Variants in PXDNL observed in about 807,000 individuals in gnomAD.
PXDNL encodes the protein probable oxidoreductase PXDNL.
In PXDNL, 145 loss-of-function variants were observed where a neutral mutation model predicts 150.8. That is an observed-to-expected ratio of 0.96 (90% confidence interval 0.84 to 1.10). The LOEUF is 1.10. Among genes scored for constraint, PXDNL ranks in the 50% least tolerant of loss-of-function variants. The pLI is 0.00. For missense variants in PXDNL, 2,087 were observed against 1,873.9 expected, an observed-to-expected ratio of 1.11 and a Z score of -2.10; for synonymous variants, 757 against 725.7, an observed-to-expected ratio of 1.04 and a Z score of -0.69.
chr8:51,796,466 A>G (rs1377971855), intron 1 of PXDNL, among the ~76,000 whole-genome samples: 1 of 152,162 alleles, frequency 6.6e-6, no homozygotes, highest in Non-Finnish European at 1.5e-5. Flanking sequence ...AATCAAATAG[A>G]CACAATAAAA....
chr8:51,793,753 G>T (rs958713111), intron 1 of PXDNL, among the ~76,000 whole-genome samples: 1 of 151,948 alleles, frequency 6.6e-6, no homozygotes, highest in African/African-American at 2.4e-5. Flanking sequence ...GTTGGGCGTG[G>T]TGACTGACAC....
chr8:51,542,208 C>T (rs1009324497), intron 4 of PXDNL, among the ~76,000 whole-genome samples: 1 of 152,004 alleles, frequency 6.6e-6, no homozygotes, highest in East Asian at 1.9e-4. Context: ...AAGGGCAGTC[C>T]ATGATATTCT....
chr8:51,552,387 T>C (rs762587883), intron 4 of PXDNL, among the ~76,000 whole-genome samples: 1 of 152,218 alleles, frequency 6.6e-6, no homozygotes, highest in Non-Finnish European at 1.5e-5. Flanking sequence ...CAACTATGTT[T>C]ATAGCAGCAC....
At chr8:51,484,569 A>G (rs1430430231) in intron 5 of PXDNL, among the ~76,000 whole-genome samples, 1 of 152,178 alleles carries the variant, frequency 6.6e-6, no homozygotes, top group Non-Finnish European at 1.5e-5. Context: ...TGGCCAGCAC[A>G]GTTTTGCTGA....
At chr8:51,466,604 G>C (rs1810210047) in intron 8 of PXDNL, among the ~76,000 whole-genome samples, 1 of 152,050 alleles carries the variant, frequency 6.6e-6, no homozygotes, top group Non-Finnish European at 1.5e-5. Context: ...AGAATAAATA[G>C]ACAACTTACA....
At chr8:51,495,801 C>A (rs959621564) in intron 5 of PXDNL, among the ~76,000 whole-genome samples, 13 of 151,888 alleles carry the variant, frequency 8.6e-5, no homozygotes, top group East Asian at 3.9e-4. Context: ...GCTTACCAAC[C>A]AAAAAAAGGC....
chr8:51,350,889 C>T (rs748788655), intron 19 of PXDNL, among the ~76,000 whole-genome samples: 1 of 152,014 alleles, frequency 6.6e-6, no homozygotes, highest in Non-Finnish European at 1.5e-5. Context: ...TCGCTAACTT[C>T]CCAAAATAAT....
At chr8:51,434,799 AAC>A (rs1447440225) in intron 12 of PXDNL, among the ~76,000 whole-genome samples, 1 of 152,234 alleles carries the variant, frequency 6.6e-6, no homozygotes, top group Admixed American at 6.5e-5. Context: ...GACAGAATGT[AAC>A]ACAGATCAGT....
Position 51,453,575 on chromosome 8 carries a change from C to G in PXDNL, c.1193G>C (p.Cys398Ser), listed in dbSNP as rs755486410. Reference protein sequence around the residue: ...ITQRDHGRFTCHANNSHGTVQ... With the variant: ...ITQRDHGRFTSHANNSHGTVQ... ...AGTGCCGTGGCTATTGTTGGCATGA[C>G]AGGTAAATCGACCATGATCCCGTTG... The change falls in exon 10 of 23, where the codon TGT becomes TCT. Residue 398 changes from cysteine to serine, a missense_variant. By Grantham distance (112) the Cys-to-Ser change is moderately radical. Coordinates refer to ENST00000356297, the MANE Select transcript of PXDNL (RefSeq NM_144651.5). 2 of 1,614,022 alleles carry G rather than the reference C, an allele frequency of 1.2e-6. No individual in the cohort carries two copies. The highest frequency in any genetic ancestry group is 1.7e-5 in the Admixed American group (1 of 60,024).
chr8:51,783,445 C>G (rs2037433788), intron 1 of PXDNL, among the ~76,000 whole-genome samples: 1 of 152,208 alleles, frequency 6.6e-6, no homozygotes, highest in South Asian at 2.1e-4. Flanking sequence ...AATAACTTAT[C>G]CCAGCTAGAT....
chr8:51,612,173 G>C (rs1814020495), intron 2 of PXDNL, among the ~76,000 whole-genome samples: 1 of 152,150 alleles, frequency 6.6e-6, no homozygotes, highest in South Asian at 2.1e-4. Context: ...CTGGAGTTTT[G>C]AAGAGCACAT....
Position 51,809,272 on chromosome 8 carries a change from G to C in PXDNL, c.73C>G (p.Pro25Ala). Residue 25 changes from proline (P) to alanine (A), a missense_variant, in exon 1 of 23, where the codon CCC (proline) becomes GCC (alanine). Physicochemically the swap from Pro to Ala is conservative, Grantham distance 27. Coordinates refer to ENST00000356297, the MANE Select transcript of PXDNL (RefSeq NM_144651.5). ...AGWCLPGLPC[P>A]SRCLCFKSTV... ...CTCTTAAAGCAAAGGCACCGGCTGG[G>C]GCAGGGCAACCCTGGCAGGCACCAC... The C allele has an allele frequency of 6.2e-7, 1 of 1,601,918 alleles. No homozygotes were observed. The highest frequency in any genetic ancestry group is 8.5e-7 in the Non-Finnish European group (1 of 1,174,204).
At chr8:51,634,512 G>A (rs1814562169) in intron 2 of PXDNL, among the ~76,000 whole-genome samples, 2 of 152,084 alleles carry the variant, frequency 1.3e-5, no homozygotes, top group South Asian at 4.1e-4. Flanking sequence ...ACAATTCTGT[G>A]AAAAATGACA....
chr8:51,400,761 T>C (rs1808224287), intron 17 of PXDNL, among the ~76,000 whole-genome samples: 1 of 152,202 alleles, frequency 6.6e-6, no homozygotes, highest in South Asian at 2.1e-4. Context: ...AAGAATCAAA[T>C]GTGTTGTTCT....
At position 51,809,424 on chromosome 8, in the gene PXDNL, T is replaced by C; in HGVS notation, c.-80A>G. 2 of 1,375,200 alleles carry C rather than the reference T, an allele frequency of 1.5e-6. No homozygotes were observed. Among genetic ancestry groups the C allele is most frequent in the South Asian group, 1.5e-5 (1 of 67,160 alleles). 85.2% of individuals were successfully genotyped at this position (1,375,200 alleles called of 1,614,324 possible). ...GCAGCTGCAGCAGCAACCGCAGTGG[T>C]GGTGATGGTGGCTGCTGGACTGAGC... On this transcript the variant is annotated 5_prime_UTR_variant, in exon 1 of 23. Transcript: ENST00000356297.
intron 4 of PXDNL, among the ~76,000 whole-genome samples, chr8:51,536,121 C>A (rs1000779771): frequency 6.6e-6 from 1 of 152,156 alleles, no homozygotes; most frequent in African/African-American, 2.4e-5. Context: ...CCTCTCGGGA[C>A]CTGAAATTTT....
In PXDNL at chr8:51,584,922, C is replaced by T. The variant is rs374858368; in HGVS notation, c.308+7705G>A. Among the ~76,000 whole-genome samples, 84 of 151,990 alleles carry T rather than the reference C, an allele frequency of 5.5e-4. 1 individual carries two copies. Among genetic ancestry groups the T allele is most frequent in the African/African-American group, 2.0e-3 (81 of 41,476 alleles). On this transcript the variant is annotated intron_variant, in intron 3 of 22. Coordinates refer to ENST00000356297, the MANE Select transcript of PXDNL (RefSeq NM_144651.5). ...TGGACAAAGAAATAAAGTTTTGTACCGGCAAGGGTAATGGATATGGAAGAT... is the reference window on the plus strand; with the variant it reads ...TGGACAAAGAAATAAAGTTTTGTACTGGCAAGGGTAATGGATATGGAAGAT...
intron 1 of PXDNL, among the ~76,000 whole-genome samples, chr8:51,673,658 T>G (rs1815547161): frequency 6.6e-6 from 1 of 152,194 alleles, no homozygotes; most frequent in South Asian, 2.1e-4. Flanking sequence ...AAAAATCAAT[T>G]AACAGATGTT....
chr8:51,726,785 T>C (rs1357602599), intron 1 of PXDNL, among the ~76,000 whole-genome samples: 2 of 152,150 alleles, frequency 1.3e-5, no homozygotes, highest in Non-Finnish European at 2.9e-5. Flanking sequence ...TTTAAAAAAA[T>C]CTAGGATTTG....
Sources: gnomAD v4.1 joint callset for allele counts (sites outside exome capture counted in the v4.1 genomes callset) on GRCh38, gnomAD v4.1.1 for gene constraint, MANE v1.5 for transcripts, NCBI Gene and HGNC (gene_info 2026-07-23, HGNC 2026-07-21) for gene names.